PCDHGA5: variants seen among roughly 807,000 people sequenced by gnomAD.
The protein encoded by PCDHGA5 is protocadherin gamma-A5.
A neutral mutation model predicts 56.7 loss-of-function variants in PCDHGA5; 36 were observed. The ratio of observed to expected loss-of-function variants is 0.64; its 90% CI spans 0.49 to 0.84. PCDHGA5 has a LOEUF of 0.84. Ranked by LOEUF, PCDHGA5 falls within the 40% of genes least tolerant of loss-of-function variation. PCDHGA5 has a pLI of 0.00. For missense variants in PCDHGA5, 1,305 were observed against 1,201.5 expected, an observed-to-expected ratio of 1.09 and a Z score of -1.27; for synonymous variants, 563 against 520.2, an observed-to-expected ratio of 1.08 and a Z score of -1.12.
chr5:141,395,213 T>C, intron 1 of PCDHGA5: 1 of 1,613,280 alleles, frequency 6.2e-7, no homozygotes, highest in Non-Finnish European at 8.5e-7. Flanking sequence ...TTCATGAATA[T>C]AAGAATGAAG....
chr5:141,395,521 T>G, intron 1 of PCDHGA5: 7 of 388,350 alleles, frequency 1.8e-5, no homozygotes, highest in East Asian at 5.0e-5. Flanking sequence ...TACCCGTCCA[T>G]ACTGGTAATT....
At position 141,485,841 on chromosome 5, in the gene PCDHGA5, C is replaced by G. The variant is rs969476505; in HGVS notation, c.2422-8966C>G. On this transcript the variant is annotated intron_variant, in intron 1 of 3. Transcript: ENST00000518069. This position sits in a 1 kb window ranked among gnomAD's most constrained non-coding sequence, Gnocchi z 5.7. Reference sequence around the variant, plus strand: ...GTCGATGGAGGGAACCCGCCGAGATCTGGCACCGCAGAGCTCCGGGTATCC... The same window carrying G: ...GTCGATGGAGGGAACCCGCCGAGATGTGGCACCGCAGAGCTCCGGGTATCC... 29 of 1,614,104 alleles carry G rather than the reference C, an allele frequency of 1.8e-5. No individual in the cohort carries two copies. The highest frequency in any genetic ancestry group is 2.2e-5 in the South Asian group (2 of 91,080).
intron 1 of PCDHGA5, among the ~76,000 whole-genome samples, chr5:141,425,059 G>A (rs1056925377): frequency 3.3e-5 from 5 of 152,110 alleles, no homozygotes; most frequent in Non-Finnish European, 7.4e-5. Flanking sequence ...CTAGGGCTCG[G>A]ACAAAAATAA....
chr5:141,365,799 C>A lies in PCDHGA5; in HGVS notation c.1469C>A (p.Ser490Tyr). 1.2e-6 allele frequency: 2 copies of A among 1,613,942 alleles called. No homozygotes were observed. Among genetic ancestry groups the A allele is most frequent in the South Asian group, 1.1e-5 (1 of 91,082 alleles). The change falls in exon 1 of 4, where the codon TCC becomes TAC. Residue 490 changes from serine (S) to tyrosine (Y), a missense_variant. Transcript: ENST00000518069. ...DSGDNARVTY[S>Y]LAEDTFQGAP... ...GGCGACAACGCTCGAGTCACCTACT[C>A]CCTGGCTGAAGACACATTTCAGGGG...
intron 1 of PCDHGA5, chr5:141,404,222 G>A (rs1407928050): frequency 6.2e-7 from 1 of 1,613,616 alleles, no homozygotes; most frequent in Admixed American, 1.7e-5. Context: ...CACGGTGACT[G>A]CAACAGACAG....
chr5:141,384,293 A>G, intron 1 of PCDHGA5: 1 of 1,613,660 alleles, frequency 6.2e-7, no homozygotes, highest in Non-Finnish European at 8.5e-7. Flanking sequence ...GCTGAGAACA[A>G]CCCCAGAGGG....
At chr5:141,405,054 C>T (rs773491411) in intron 1 of PCDHGA5, 7 of 1,613,806 alleles carry the variant, frequency 4.3e-6, no homozygotes, top group Admixed American at 1.7e-5. Flanking sequence ...GCAGTCGTCT[C>T]CTGTGTCTTC....
At position 141,376,027 on chromosome 5, in the gene PCDHGA5, C is replaced by T. The variant is rs750383085; in HGVS notation, c.2421+9276C>T. The T allele has an allele frequency of 1.9e-6, 3 of 1,613,250 alleles. No homozygotes were observed. In the East Asian group the frequency reaches 6.7e-5, roughly 36 times the overall value. ...AGAGCCTAGTGGTGGCCGTCCAGGACCACGGCCAGCCCCCTCTCTCCGCCA... is the reference window on the plus strand; with the variant it reads ...AGAGCCTAGTGGTGGCCGTCCAGGATCACGGCCAGCCCCCTCTCTCCGCCA... On this transcript the variant is annotated intron_variant, in intron 1 of 3. Coordinates refer to ENST00000518069, the MANE Select transcript of PCDHGA5 (RefSeq NM_018918.3).
At chr5:141,372,206 G>C in intron 1 of PCDHGA5, 1 of 1,613,590 alleles carries the variant, frequency 6.2e-7, no homozygotes, top group East Asian at 2.2e-5. Flanking sequence ...ACGCCTGGCT[G>C]TCCTACCACA....
At chr5:141,393,211 T>G (rs1310978287) in intron 1 of PCDHGA5, 3 of 1,613,502 alleles carry the variant, frequency 1.9e-6, no homozygotes, top group Non-Finnish European at 1.7e-6. Flanking sequence ...AACCCAAAAT[T>G]CCAGGTCGAA....
intron 1 of PCDHGA5, chr5:141,398,274 C>G (rs1323516270): frequency 7.1e-7 from 1 of 1,416,776 alleles, no homozygotes; most frequent in African/African-American, 1.5e-5. Context: ...TAGTGGGGAA[C>G]CTCGCCACGG....
chr5:141,389,741 G>T (rs537380299), intron 1 of PCDHGA5: 31 of 1,612,676 alleles, frequency 1.9e-5, no homozygotes, highest in Admixed American at 6.7e-5. Context: ...GCCTGGGGCT[G>T]CGCACGGGCG....
chr5:141,414,009 TGGA>T (rs2095701451), intron 1 of PCDHGA5: 2 of 1,612,964 alleles, frequency 1.2e-6, no homozygotes, highest in Middle Eastern at 1.7e-4. Context: ...AAGGTGCCAA[TGGA>T]GAAGTGACAT....
At chr5:141,398,632 A>G (rs1589336934) in intron 1 of PCDHGA5, 7 of 1,613,946 alleles carry the variant, frequency 4.3e-6, no homozygotes, top group Non-Finnish European at 5.1e-6. Context: ...CTCTCTGCAG[A>G]AGTATAAACT....
In PCDHGA5 at chr5:141,395,061, C is replaced by G. The variant is rs751602382; in HGVS notation, c.2421+28310C>G. 1.5e-5 allele frequency: 25 copies of G among 1,614,158 alleles called. No individual in the cohort carries two copies. In the African/African-American group the frequency reaches 3.2e-4, roughly 21 times the overall value. On this transcript the variant is annotated intron_variant, in intron 1 of 3. Coordinates refer to ENST00000518069, the MANE Select transcript of PCDHGA5 (RefSeq NM_018918.3). ...GGGTGTTGAGGAGGTACAGGCTTTCCTGCAGACCTATTCCCAGGAAGTCTC... is the reference window on the plus strand; with the variant it reads ...GGGTGTTGAGGAGGTACAGGCTTTCGTGCAGACCTATTCCCAGGAAGTCTC...
Position 141,487,315 on chromosome 5 carries a change from G to C in PCDHGA5, c.2422-7492G>C, listed in dbSNP as rs568326280. On this transcript the variant is annotated intron_variant, in intron 1 of 3. Transcript: ENST00000518069. The surrounding 1 kb of genome is among the most constrained non-coding windows in gnomAD (Gnocchi z 5.0). ...GCTCATTCGTGGCACTACTCTCTAA[G>C]TGTCTTCGTGGGGCAGCCTGTGGAG... 6.2e-7 allele frequency: 1 copy of C among 1,614,166 alleles called. No individual in the cohort carries two copies. Among genetic ancestry groups the C allele is most frequent in the Admixed American group, 1.7e-5 (1 of 60,028 alleles).
rs746309479 is a variant in PCDHGA5, at chr5:141,389,523, C to T, written c.2421+22772C>T. 36 of 1,613,164 alleles carry T rather than the reference C, an allele frequency of 2.2e-5. No homozygotes were observed. Among genetic ancestry groups the T allele is most frequent in the East Asian group, 4.5e-5 (2 of 44,878 alleles). On this transcript the variant is annotated intron_variant, in intron 1 of 3. Coordinates refer to ENST00000518069, the MANE Select transcript of PCDHGA5 (RefSeq NM_018918.3). ...AGCGCTCAGCGCGAACGTGAGCCTG[C>T]GCGTGTTAGTGGACGACCGCAACGA...
At chr5:141,480,195 G>A (rs1350891459) in intron 1 of PCDHGA5, among the ~76,000 whole-genome samples, 1 of 151,182 alleles carries the variant, frequency 6.6e-6, no homozygotes, top group Non-Finnish European at 1.5e-5. Context: ...CTTGAGGCCA[G>A]CAGTTCAAGA....
intron 1 of PCDHGA5, chr5:141,418,984 C>T: frequency 6.2e-7 from 1 of 1,613,930 alleles, no homozygotes; most frequent in African/African-American, 1.3e-5. Flanking sequence ...GGGACCAAGA[C>T]TCAGGGGAAA....
Sources: gnomAD v4.1 joint callset for allele counts (sites outside exome capture counted in the v4.1 genomes callset) on GRCh38, gnomAD v4.1.1 for gene constraint, Gnocchi (gnomAD v3.1) non-coding constraint, MANE v1.5 for transcripts, NCBI Gene and HGNC (gene_info 2026-07-23, HGNC 2026-07-21) for gene names.